FMNL3: variants seen among roughly 807,000 people sequenced by gnomAD.
FMNL3 encodes the protein formin-like protein 3.
FMNL3 carries 57 observed loss-of-function variants against 119.6 expected under a neutral mutation model. The ratio of observed to expected loss-of-function variants is 0.48; its 90% confidence interval spans 0.39 to 0.59. The LOEUF is 0.59. FMNL3 is among the 20% of genes least tolerant of loss of function. The pLI is 0.00. For synonymous variants in FMNL3, 491 were observed against 507.3 expected (o/e 0.97, Z 0.43); for missense variants, 1,053 against 1,323.5 (o/e 0.80, Z 3.17).
chr12:49,666,014 C>T, intron 3 of FMNL3, 106 bp from the exon 4 acceptor site: 1 of 1,540,564 alleles, frequency 6.5e-7, no homozygotes, highest in Non-Finnish European at 9.0e-7. Flanking sequence ...CCCTGAAATC[C>T]AACTCCCAAT....
At chr12:49,669,040 T>C (rs1215074357) in intron 1 of FMNL3, among the ~76,000 whole-genome samples, 1 of 148,392 alleles carries the variant, frequency 6.7e-6, no homozygotes, top group African/African-American at 2.6e-5. Flanking sequence ...ATGGGCAACT[T>C]GCCTACAACA....
In FMNL3 at chr12:49,642,274, A is replaced by G. The variant is rs201177913; in HGVS notation, c.*3541T>C. ...AGAGGCACGGGAGAGGGAGCGGGAG[A>G]AGGAGGAGGCACGCAGGATGCGGCG... On this transcript the variant is annotated 3_prime_UTR_variant, in exon 26 of 26. Transcript: ENST00000335154. This position sits in a 1 kb window ranked among gnomAD's most constrained non-coding sequence, Gnocchi z 5.8. 258 of 1,613,992 alleles carry G rather than the reference A, an allele frequency of 1.6e-4. 1 individual carries two copies. Among genetic ancestry groups the G allele is most frequent in the South Asian group, 7.6e-4 (69 of 91,072 alleles).
At chr12:49,654,042 T>G (rs909159628) in intron 11 of FMNL3, 150 bp downstream of exon 11, 3 of 1,148,730 alleles carry the variant, frequency 2.6e-6, no homozygotes, top group Non-Finnish European at 3.7e-6. Context: ...ACTGGGGAGT[T>G]AGCTGCAGAG....
At position 49,636,852 on chromosome 12, in the gene FMNL3, A is replaced by G. The variant is rs747427823; in HGVS notation, c.*8963T>C. ...GCAAGAATCGGGAGGCCTTCCAGGT[A>G]TCTTTGCTGTCCTTTCTAGATCAGA... On this transcript the variant is annotated 3_prime_UTR_variant, in exon 26 of 26. Transcript: ENST00000335154. 4.3e-6 allele frequency: 7 copies of G among 1,613,598 alleles called. No homozygotes were observed. The highest frequency in any genetic ancestry group is 1.1e-5 in the South Asian group (1 of 91,054).
rs983608576 is a variant in FMNL3, at chr12:49,697,189, A to G, written c.126+9866T>C. Among the ~76,000 whole-genome samples, 16 of 152,194 alleles carry G rather than the reference A, an allele frequency of 1.1e-4. No homozygotes were observed. In the South Asian group the frequency reaches 1.7e-3, roughly 16 times the overall value. The stretch of plus-strand genomic sequence containing the variant: ...TAACTGACCAGGGGGTGAGTGTAGT[A>G]TGTACATCCCAAACTGCCACTTGAT... On this transcript the variant is annotated intron_variant, in intron 1 of 25. Transcript: ENST00000335154.
Position 49,648,472 on chromosome 12 carries a change from C to T in FMNL3, c.2516-119G>A, listed in dbSNP as rs564588977. ...CATGGGCTCACTCAGGTTCACATAC[C>T]TGTATGGACATAAGGAAGTACACAC... On this transcript the variant is annotated intron_variant, in intron 21 of 25. Transcript: ENST00000335154. The T allele has an allele frequency of 2.5e-5, 27 of 1,069,420 alleles. No individual in the cohort carries two copies. In the African/African-American group the frequency reaches 3.9e-4, roughly 15 times the overall value. The allele number at this position is 1,069,420 out of a possible 1,614,324, so 66.2% of individuals were successfully genotyped here. A position where few individuals can be genotyped will look rare whatever the true frequency, so the allele number is the denominator to read the frequency against.
At position 49,641,913 on chromosome 12, in the gene FMNL3, G is replaced by T. The variant is rs1942720098; in HGVS notation, c.*3902C>A. 2 of 1,613,026 alleles carry T rather than the reference G, an allele frequency of 1.2e-6. No homozygotes were observed. The highest frequency in any genetic ancestry group is 1.8e-4 in the Middle Eastern group (1 of 5,456). The stretch of plus-strand genomic sequence containing the variant: ...ATGCACTGCTGTACCCACAGGACCG[G>T]GGCTTCTGCGTGGAGGTGAACACGG... On this transcript the variant is annotated 3_prime_UTR_variant, in exon 26 of 26. Transcript: ENST00000335154.
chr12:49,668,978 C>T (rs1943966457), intron 1 of FMNL3, among the ~76,000 whole-genome samples: 1 of 152,050 alleles, frequency 6.6e-6, no homozygotes, highest in Non-Finnish European at 1.5e-5. Context: ...GAAAACCCAC[C>T]AGGTTAAAGC....
intron 1 of FMNL3, among the ~76,000 whole-genome samples, chr12:49,677,656 A>C (rs1269702924): frequency 3.3e-5 from 5 of 152,230 alleles, no homozygotes; most frequent in Non-Finnish European, 5.9e-5. Context: ...GAATTTGGCG[A>C]TATCAAAATA....
chr12:49,695,982 C>G (rs1025219445), intron 1 of FMNL3, among the ~76,000 whole-genome samples: 2 of 152,106 alleles, frequency 1.3e-5, no homozygotes, highest in Admixed American at 1.3e-4. Context: ...CAGGTAGTAC[C>G]TCCAAACACA....
In FMNL3 at chr12:49,693,670, CAG is replaced by C. The variant is rs752167810; in HGVS notation, c.126+13383_126+13384del. On this transcript the variant is annotated intron_variant, in intron 1 of 25. Coordinates refer to ENST00000335154, the MANE Select transcript of FMNL3 (RefSeq NM_175736.5). ...TTTTTTTTTTTTTTTTTTTTTGAGA[CAG>C]AGTTTCGCTCTTGTTGCCCAGGCTG... is the stretch of plus-strand genomic sequence containing the variant. Among the ~76,000 whole-genome samples the C allele has an allele frequency of 2.6e-4, 18 of 69,174 alleles. No homozygotes were observed. The East Asian group carries it at 7.5e-3, about 29-fold the overall frequency. The allele number at this position is 69,174 out of a possible 152,430, so 45.4% of individuals were successfully genotyped here. A position where few individuals can be genotyped will look rare whatever the true frequency, so the allele number is the denominator to read the frequency against.
Position 49,662,726 on chromosome 12 carries a change from C to G in FMNL3, c.369-677G>C, listed in dbSNP as rs147565342. On this transcript the variant is annotated intron_variant, in intron 4 of 25. Transcript: ENST00000335154. ...GAGTCAACCTGAGTACGTGGGTCCC[C>G]CTCAGCCAGGAAGGTAGACAACAAA... Among the ~76,000 whole-genome samples, 430 of 152,286 alleles carry G rather than the reference C, an allele frequency of 2.8e-3. 1 individual carries two copies. The highest frequency in any genetic ancestry group is 0.012 in the Admixed American group (179 of 15,304).
rs748093490 is a variant in FMNL3 at position 49,636,675 on chromosome 12, CTGCTGGGACAA to C, written c.*9129_*9139del. 6.8e-6 allele frequency: 11 copies of C among 1,611,598 alleles called. No individual in the cohort carries two copies. The highest frequency in any genetic ancestry group is 8.5e-6 in the Non-Finnish European group (10 of 1,178,000). On this transcript the variant is annotated 3_prime_UTR_variant, in exon 26 of 26. Transcript: ENST00000335154. ...GGGTGCTGGGGTCTGAGAGGGTATC[CTGCTGGGACAA>C]TGCCCGCGGAACCTCCTGCCTGTCT... is the stretch of plus-strand genomic sequence containing the variant.
chr12:49,670,382 C>T (rs1003452427), intron 1 of FMNL3, among the ~76,000 whole-genome samples: 2 of 152,216 alleles, frequency 1.3e-5, no homozygotes, highest in African/African-American at 2.4e-5. Flanking sequence ...CCCTAAAGTG[C>T]TGTGTCTATT....
Position 49,660,059 on chromosome 12 carries a change from AAGT to A in FMNL3, c.453-1468_453-1466del, listed in dbSNP as rs1313307838. 7.9e-6 allele frequency: 5 copies of A among 636,758 alleles called. No individual in the cohort carries two copies. The African/African-American group carries it at 7.9e-5, about 10-fold the overall frequency. 39.4% of individuals were successfully genotyped at this position (636,758 alleles called of 1,614,324 possible). The stretch of plus-strand genomic sequence containing the variant: ...TCAGGAGGTGTTTAATGGGGCTCTC[AAGT>A]AGACATCAGAGGAACCTCCTGACAG... On this transcript the variant is annotated intron_variant, in intron 5 of 25. Coordinates refer to ENST00000335154, the MANE Select transcript of FMNL3 (RefSeq NM_175736.5).
At chr12:49,661,363 C>G (rs1188125785) in intron 5 of FMNL3, among the ~76,000 whole-genome samples, 1 of 152,166 alleles carries the variant, frequency 6.6e-6, no homozygotes, top group Non-Finnish European at 1.5e-5. Context: ...AGAACTGAAA[C>G]CCAAACCCAG....
intron 21 of FMNL3, 80 bp from the exon 22 acceptor site, chr12:49,648,433 G>GCCCTC (rs1943283356): frequency 6.8e-7 from 1 of 1,466,296 alleles, no homozygotes; most frequent in East Asian, 2.4e-5. Flanking sequence ...TCAAACTCTG[G>GCCCTC]CCCTCCCCCT....
At chr12:49,651,539 G>C (rs1488231018) in intron 14 of FMNL3, 89 bp from the exon 15 acceptor site, 2 of 1,038,602 alleles carry the variant, frequency 1.9e-6, no homozygotes, top group Non-Finnish European at 2.6e-6. Context: ...CCTTCTCTGA[G>C]AGTTAAAAAA....
At chr12:49,695,029 G>GT (rs1944715140) in intron 1 of FMNL3, among the ~76,000 whole-genome samples, 1 of 147,526 alleles carries the variant, frequency 6.8e-6, no homozygotes, top group African/African-American at 2.5e-5. Flanking sequence ...AATTATCCTT[G>GT]TAAAAAAAAA....
Sources: gnomAD v4.1 joint callset for allele counts (sites outside exome capture counted in the v4.1 genomes callset) on GRCh38, gnomAD v4.1.1 for gene constraint, Gnocchi (gnomAD v3.1) non-coding constraint, MANE v1.5 for transcripts, NCBI Gene and HGNC (gene_info 2026-07-23, HGNC 2026-07-21) for gene names.